PCDHGA5: variants seen among roughly 807,000 people sequenced by gnomAD.
PCDHGA5 encodes the protein protocadherin gamma subfamily A, 5, also known as protocadherin gamma-A5.
Under a neutral mutation model 56.7 loss-of-function variants are expected in PCDHGA5, and 36 were observed. The observed-to-expected ratio is 0.64, with a 90% confidence interval of 0.49 to 0.84. The LOEUF (loss-of-function observed/expected upper bound fraction) is 0.84, where lower values mean the gene tolerates loss of function less well. PCDHGA5 is among the 40% of genes least tolerant of loss of function. PCDHGA5 has a pLI of 0.00. For synonymous variants in PCDHGA5, 563 were observed against 520.2 expected, an observed-to-expected ratio of 1.08 and a Z score of -1.12; for missense variants, 1,305 against 1,201.5, an observed-to-expected ratio of 1.09 and a Z score of -1.27.
intron 1 of PCDHGA5, chr5:141,404,457 C>A: frequency 1.2e-6 from 2 of 1,612,824 alleles, no homozygotes; most frequent in Non-Finnish European, 1.7e-6. Flanking sequence ...TCTCCTCTCT[C>A]CACCTATGTC....
chr5:141,371,143 A>T (rs199674539), intron 1 of PCDHGA5: 4 of 1,613,904 alleles, frequency 2.5e-6, no homozygotes, highest in Non-Finnish European at 3.4e-6. Context: ...TACAGGGTCA[A>T]TGTTGCAGAG....
intron 1 of PCDHGA5, among the ~76,000 whole-genome samples, chr5:141,446,948 T>C (rs1166868490): frequency 6.6e-6 from 1 of 152,186 alleles, no homozygotes; most frequent in African/African-American, 2.4e-5. Context: ...GTAAGAAACA[T>C]CCAGCACCCA....
At position 141,365,754 on chromosome 5, in the gene PCDHGA5, C is replaced by G; in HGVS notation, c.1424C>G (p.Thr475Arg). The change falls in exon 1 of 4, where the codon ACA (threonine) becomes AGA (arginine). Residue 475 changes from threonine to arginine, a missense_variant. Thr to Arg is a moderately conservative substitution (Grantham distance 71). Transcript: ENST00000518069. ...NPRGVSIFSVTAHDPDSGDNA... is the reference protein window; with the variant it reads ...NPRGVSIFSVRAHDPDSGDNA... ...AGAGGTGTCTCTATCTTCTCTGTGACAGCCCATGACCCCGACAGCGGCGAC... is the reference window on the plus strand; with the variant it reads ...AGAGGTGTCTCTATCTTCTCTGTGAGAGCCCATGACCCCGACAGCGGCGAC... The G allele has an allele frequency of 6.2e-7, 1 of 1,613,850 alleles. No individual in the cohort carries two copies.
rs780685517 is a variant in PCDHGA5 at position 141,489,548 on chromosome 5, T to C, written c.2422-5259T>C. 6.2e-7 allele frequency: 1 copy of C among 1,614,136 alleles called. No individual in the cohort carries two copies. Among genetic ancestry groups the C allele is most frequent in the South Asian group, 1.1e-5 (1 of 91,086 alleles). On this transcript the variant is annotated intron_variant, in intron 1 of 3. Coordinates refer to ENST00000518069, the MANE Select transcript of PCDHGA5 (RefSeq NM_018918.3). This position sits in a 1 kb window ranked among gnomAD's most constrained non-coding sequence, Gnocchi z 4.5. ...CTATGTGGAGCCAGCACCAGCTGCCTGCTGCCAGTGCAGGTGGTGACTGAA... is the reference window on the plus strand; with the variant it reads ...CTATGTGGAGCCAGCACCAGCTGCCCGCTGCCAGTGCAGGTGGTGACTGAA...
In PCDHGA5 at chr5:141,405,117, C is replaced by T. The variant is rs200108286; in HGVS notation, c.2421+38366C>T. On this transcript the variant is annotated intron_variant, in intron 1 of 3. Transcript: ENST00000518069. The stretch of plus-strand genomic sequence containing the variant: ...CTCAGGCTGAGGCACTGGCACTCCT[C>T]GCATCTGCTGCGGGCTACCAGTGAT... The T allele has an allele frequency of 5.6e-5, 90 of 1,613,980 alleles. No individual in the cohort carries two copies. In the East Asian group the frequency reaches 9.6e-4, roughly 17 times the overall value.
chr5:141,372,242 G>C (rs965293763), intron 1 of PCDHGA5: 3 of 1,613,274 alleles, frequency 1.9e-6, no homozygotes, highest in Non-Finnish European at 2.5e-6. Context: ...AGCCCGGGCT[G>C]TTCAGCCTGG....
At chr5:141,433,848 A>AAC (rs1403081382) in intron 1 of PCDHGA5, among the ~76,000 whole-genome samples, 1 of 151,964 alleles carries the variant, frequency 6.6e-6, no homozygotes, top group South Asian at 2.1e-4. Context: ...AAAAAAAAAA[A>AAC]AAAAAAACTT....
At chr5:141,457,607 T>C (rs578113551) in intron 1 of PCDHGA5, among the ~76,000 whole-genome samples, 2 of 152,360 alleles carry the variant, frequency 1.3e-5, no homozygotes, top group African/African-American at 4.8e-5. Context: ...AAACTAATTA[T>C]GAATGAACTT....
At chr5:141,403,773 AC>A (rs2094454199) in intron 1 of PCDHGA5, 1 of 1,613,838 alleles carries the variant, frequency 6.2e-7, no homozygotes, top group South Asian at 1.1e-5. Flanking sequence ...GAGGGAATCA[AC>A]GGAAAAGTGG....
chr5:141,405,394 C>T, intron 1 of PCDHGA5: 4 of 1,593,132 alleles, frequency 2.5e-6, no homozygotes, highest in Non-Finnish European at 3.4e-6. Context: ...CATTTTTTTT[C>T]TTTCTTTCTT....
chr5:141,428,492 A>C (rs2097142759), intron 1 of PCDHGA5: 1 of 307,660 alleles, frequency 3.3e-6, no homozygotes. Flanking sequence ...TGCAATCTGT[A>C]TGTTCCCTCG....
In PCDHGA5 at chr5:141,491,424, G is replaced by A. The variant is rs745755214; in HGVS notation, c.2422-3383G>A. The A allele has an allele frequency of 6.2e-7, 1 of 1,614,092 alleles. No individual in the cohort carries two copies. Among genetic ancestry groups the A allele is most frequent in the Non-Finnish European group, 8.5e-7 (1 of 1,180,028 alleles). ...ACGCAGACGGGGACGGGGGTGGAGG[G>A]CAGTGCTGCAGGCGCCAGGACTCAC... On this transcript the variant is annotated intron_variant, in intron 1 of 3. Coordinates refer to ENST00000518069, the MANE Select transcript of PCDHGA5 (RefSeq NM_018918.3). The surrounding 1 kb of genome is among the most constrained non-coding windows in gnomAD (Gnocchi z 6.9).
At chr5:141,456,421 A>C (rs1358944131) in intron 1 of PCDHGA5, among the ~76,000 whole-genome samples, 1 of 152,150 alleles carries the variant, frequency 6.6e-6, no homozygotes, top group Non-Finnish European at 1.5e-5. Context: ...GAAACAATTC[A>C]AGTTATAGTA....
At chr5:141,373,705 A>G (rs1023574849) in intron 1 of PCDHGA5, among the ~76,000 whole-genome samples, 2 of 152,224 alleles carry the variant, frequency 1.3e-5, no homozygotes, top group African/African-American at 4.8e-5. Flanking sequence ...AAATTATTCA[A>G]AATAATCTCT....
Position 141,366,497 on chromosome 5 carries a change from C to G in PCDHGA5, c.2167C>G (p.Arg723Gly). 6.2e-7 allele frequency: 1 copy of G among 1,614,254 alleles called. No homozygotes were observed. Among genetic ancestry groups the G allele is most frequent in the South Asian group, 1.1e-5 (1 of 91,092 alleles). The change falls in exon 1 of 4, where the codon CGC (arginine) becomes GGC (glycine). Residue 723 changes from arginine (R) to glycine (G), a missense_variant. Transcript: ENST00000518069. ...VLRLRRWHKS[R>G]LLQAEGSRLA... is the part of the protein sequence containing the mutation. Reference sequence around the variant, plus strand: ...CAGACTGAGGCGCTGGCACAAGTCACGCCTGCTTCAGGCTGAAGGCAGCAG... The same window carrying G: ...CAGACTGAGGCGCTGGCACAAGTCAGGCCTGCTTCAGGCTGAAGGCAGCAG...
chr5:141,485,358 G>T lies in PCDHGA5; in HGVS notation c.2422-9449G>T. 1.2e-6 allele frequency: 2 copies of T among 1,614,100 alleles called. No individual in the cohort carries two copies. Among genetic ancestry groups the T allele is most frequent in the Non-Finnish European group, 1.7e-6 (2 of 1,180,006 alleles). On this transcript the variant is annotated intron_variant, in intron 1 of 3. Coordinates refer to ENST00000518069, the MANE Select transcript of PCDHGA5 (RefSeq NM_018918.3). This position sits in a 1 kb window ranked among gnomAD's most constrained non-coding sequence, Gnocchi z 5.7. ...CTGGATACGGACAGTCTGTCAGCTC[G>T]CAGGCTGCAGGTCGCTGGAGAGGTG...
rs553860713 is a variant in PCDHGA5, at chr5:141,410,124, G to C, written c.2421+43373G>C. On this transcript the variant is annotated intron_variant, in intron 1 of 3. Coordinates refer to ENST00000518069, the MANE Select transcript of PCDHGA5 (RefSeq NM_018918.3). ...GGCGACAGGGACGCAGCCCGCCAGC[G>C]CCTGCTGGTCGCTGTGCGTGACGGT... is the stretch of plus-strand genomic sequence containing the variant. 1.2e-5 allele frequency: 20 copies of C among 1,612,726 alleles called. No homozygotes were observed. In the South Asian group the frequency reaches 2.2e-4, roughly 18 times the overall value.
chr5:141,403,517 G>A, intron 1 of PCDHGA5: 1 of 1,614,030 alleles, frequency 6.2e-7, no homozygotes, highest in Non-Finnish European at 8.5e-7. Context: ...AGACAATGGA[G>A]CCATAAACCC....
intron 1 of PCDHGA5, chr5:141,426,732 C>T (rs576525011): frequency 2.7e-4 from 123 of 448,642 alleles, no homozygotes; most frequent in African/African-American, 2.2e-3. Context: ...TCCAGGCATT[C>T]GGTTTGGCCT....
Sources: gnomAD v4.1 joint callset for allele counts (sites outside exome capture counted in the v4.1 genomes callset) on GRCh38, gnomAD v4.1.1 for gene constraint, Gnocchi (gnomAD v3.1) non-coding constraint, MANE v1.5 for transcripts, NCBI Gene and HGNC (gene_info 2026-07-23, HGNC 2026-07-21) for gene names.